Variants in OR7A5 observed in about 807,000 individuals in gnomAD.
OR7A5 encodes olfactory receptor 7A5.
For missense variants in OR7A5, 319 were observed against 377.9 expected (o/e 0.84, Z 1.29); for synonymous variants, 140 against 146.7 (o/e 0.95, Z 0.33).
At chr19:14,830,055 G>T (rs1212700242) in intron 1 of OR7A5, among the ~76,000 whole-genome samples, 2 of 152,126 alleles carry the variant, frequency 1.3e-5, no homozygotes, top group Non-Finnish European at 2.9e-5. Flanking sequence ...TGGAGACCAG[G>T]TCTGCCTATG....
At chr19:14,828,983 G>C (rs1310085123) in intron 1 of OR7A5, among the ~76,000 whole-genome samples, 1 of 152,022 alleles carries the variant, frequency 6.6e-6, no homozygotes, top group Admixed American at 6.6e-5. Flanking sequence ...GATGGGAACA[G>C]GCGCTTGGAA....
chr19:14,827,655 T>C lies in OR7A5; in HGVS notation c.587A>G (p.His196Arg). 1 of 1,614,126 alleles carries C rather than the reference T, an allele frequency of 6.2e-7. No homozygotes were observed. The highest frequency in any genetic ancestry group is 8.5e-7 in the Non-Finnish European group (1 of 1,180,012). ...QLACSDSFLN[H>R]MVIYFTVALL... is the part of the protein sequence containing the mutation. ...CGCAACTGTAAAATATATCACCATG[T>C]GATTAAGAAAGCTATCAGAACAAGC... The change falls in exon 2 of 2, where the codon CAC becomes CGC. Residue 196 changes from histidine (H) to arginine (R), a missense_variant. Transcript: ENST00000322301.
intron 1 of OR7A5, among the ~76,000 whole-genome samples, chr19:14,829,570 G>A (rs1403531549): frequency 2.6e-5 from 4 of 152,152 alleles, no homozygotes; most frequent in East Asian, 1.9e-4. Flanking sequence ...TCAGTAAGAC[G>A]GAGAGTGATG....
chr19:14,828,082 G>T lies in OR7A5; in HGVS notation c.160C>A (p.His54Asn). Residue 54 changes from histidine to asparagine, a missense_variant, in exon 2 of 2, where the codon CAC becomes AAC. Coordinates refer to ENST00000322301, the MANE Select transcript of OR7A5 (RefSeq NM_017506.2). The part of the protein sequence containing the change: ...LIILATISDS[H>N]LHTPMYFFLS... Reference sequence around the variant, plus strand: ...AAGAAGTACATGGGGGTGTGGAGGTGGGAGTCTGAGATTGTGGCCAGGATG... The same window carrying T: ...AAGAAGTACATGGGGGTGTGGAGGTTGGAGTCTGAGATTGTGGCCAGGATG... 1 of 1,614,160 alleles carries T rather than the reference G, an allele frequency of 6.2e-7. No homozygotes were observed. Among genetic ancestry groups the T allele is most frequent in the Non-Finnish European group, 8.5e-7 (1 of 1,180,036 alleles).
chr19:14,830,938 A>C (rs546977143), intron 1 of OR7A5, among the ~76,000 whole-genome samples: 36 of 152,320 alleles, frequency 2.4e-4, no homozygotes, highest in Middle Eastern at 3.4e-3. Context: ...TGGCATTATC[A>C]GTACCGCACA....
At chr19:14,833,969 A>T (rs999228799) in intron 1 of OR7A5, among the ~76,000 whole-genome samples, 13 of 152,328 alleles carry the variant, frequency 8.5e-5, no homozygotes, top group African/African-American at 2.9e-4. Flanking sequence ...AATATTAAAA[A>T]CACATACAGG....
intron 1 of OR7A5, among the ~76,000 whole-genome samples, chr19:14,834,087 C>G (rs1364201494): frequency 1.3e-5 from 2 of 152,138 alleles, no homozygotes; most frequent in Non-Finnish European, 2.9e-5. Context: ...TGGTGAAACT[C>G]CATCTCTACA....
intron 1 of OR7A5, among the ~76,000 whole-genome samples, chr19:14,830,805 C>T (rs2044824313): frequency 6.6e-6 from 1 of 152,160 alleles, no homozygotes; most frequent in African/African-American, 2.4e-5. Flanking sequence ...AGCTCTAAGT[C>T]TGCCTTTCTT....
chr19:14,834,038 T>C (rs1763257879), intron 1 of OR7A5, among the ~76,000 whole-genome samples: 1 of 125,286 alleles, frequency 8.0e-6, no homozygotes, highest in African/African-American at 2.9e-5. Flanking sequence ...GGCAAGTAAA[T>C]TGCTTGAGCC....
rs1344550331 is a variant in OR7A5, at chr19:14,828,183, TC to T, written c.58del (p.Glu20AsnfsTer63). On this transcript the variant is annotated frameshift_variant, in exon 2 of 2. Coordinates refer to ENST00000322301, the MANE Select transcript of OR7A5 (RefSeq NM_017506.2). LOFTEE classifies it low-confidence loss of function (END_TRUNC). The stretch of plus-strand genomic sequence containing the variant: ...AAAGAGGAAGGGTTGCAGTCCAGGT[TC>T]TTGTGAAAATCCCAGAAGAAGAAAT... The part of the protein sequence containing the change: ...SEFLLLGFSQ[E>X]PGLQPFLFGL... The T allele has an allele frequency of 6.2e-7, 1 of 1,613,634 alleles. No individual in the cohort carries two copies. Among genetic ancestry groups the T allele is most frequent in the African/African-American group, 1.3e-5 (1 of 75,004 alleles).
intron 1 of OR7A5, among the ~76,000 whole-genome samples, chr19:14,830,249 C>A (rs1033292016): frequency 2.0e-5 from 3 of 152,186 alleles, no homozygotes; most frequent in African/African-American, 7.2e-5. Flanking sequence ...TCTGTATACA[C>A]ATGTAAACTT....
At chr19:14,829,845 G>C (rs1442976709) in intron 1 of OR7A5, among the ~76,000 whole-genome samples, 1 of 152,114 alleles carries the variant, frequency 6.6e-6, no homozygotes, top group African/African-American at 2.4e-5. Context: ...CCAAAGACAT[G>C]CAGCCACACA....
Position 14,827,318 on chromosome 19 carries a change from TC to T in OR7A5, c.923del (p.Gly308GlufsTer3). 1 of 1,568,210 alleles carries T rather than the reference TC, an allele frequency of 6.4e-7. No individual in the cohort carries two copies. The highest frequency in any genetic ancestry group is 8.6e-7 in the Non-Finnish European group (1 of 1,161,108). Reference sequence around the variant, plus strand: ...TCTTGAAAAATTGCCCTTTCATTGTTCCCCACAACAAATGTATTCCCAGAGC... The same window carrying T: ...TCTTGAAAAATTGCCCTTTCATTGTTCCCACAACAAATGTATTCCCAGAGC... ...KRALGIHLLW[G>X]TMKGQFFKKC... On this transcript the variant is annotated frameshift_variant, in exon 2 of 2. Transcript: ENST00000322301. LOFTEE classifies it low-confidence loss of function (END_TRUNC).
At position 14,827,173 on chromosome 19, in the gene OR7A5, A is replaced by C; in HGVS notation, c.*109T>G. The stretch of plus-strand genomic sequence containing the variant: ...TACAAGACCAGTTGAAATCACAACA[A>C]ATTGAAACTCCCAGAAATATAATAA... On this transcript the variant is annotated 3_prime_UTR_variant, in exon 2 of 2. Transcript: ENST00000322301. 1 of 1,177,370 alleles carries C rather than the reference A, an allele frequency of 8.5e-7. No homozygotes were observed. Among genetic ancestry groups the C allele is most frequent in the Non-Finnish European group, 1.1e-6 (1 of 885,798 alleles). The allele number at this position is 1,177,370 out of a possible 1,614,324, so 72.9% of individuals were successfully genotyped here.
Position 14,826,702 on chromosome 19 carries a change from A to C in OR7A5, c.*580T>G, listed in dbSNP as rs1158097078. On this transcript the variant is annotated 3_prime_UTR_variant, in exon 2 of 2. Transcript: ENST00000322301. ...TCAGTGGGCATTGCACTCGGAACAT[A>C]TTTTTGATAAACAATTTTTGCCTTA... 1 of 152,216 alleles carries C rather than the reference A, an allele frequency of 6.6e-6. No homozygotes were observed. Among genetic ancestry groups the C allele is most frequent in the African/African-American group, 2.4e-5 (1 of 41,446 alleles). 9.4% of individuals were successfully genotyped at this position (152,216 alleles called of 1,614,324 possible).
chr19:14,828,297 G>T, intron 1 of OR7A5, 43 bp from the exon 2 acceptor site: 1 of 1,533,424 alleles, frequency 6.5e-7, no homozygotes, highest in Non-Finnish European at 8.8e-7. Context: ...AGACAGGCAT[G>T]CATTGCTAAC....
chr19:14,828,349 T>G (rs1777301941), intron 1 of OR7A5, 95 bp from the exon 2 acceptor site: 1 of 1,250,476 alleles, frequency 8.0e-7, no homozygotes, highest in African/African-American at 1.5e-5. Flanking sequence ...GCCAATAAAT[T>G]ATCTTACATT....
chr19:14,827,857 G>T lies in OR7A5; in HGVS notation c.385C>A (p.Pro129Thr), dbSNP rs538791344. 13 of 1,614,148 alleles carry T rather than the reference G, an allele frequency of 8.1e-6. No homozygotes were observed. The East Asian group carries it at 1.6e-4, about 19-fold the overall frequency. Residue 129 changes from proline to threonine, a missense_variant, in exon 2 of 2, where the codon CCC becomes ACC. Transcript: ENST00000322301. ...TTCATAATGACCATGTAGTGCAGGG[G>T]GTGACAGATGGCCACAAACCGGTCA... Reference protein sequence around the residue: ...AYDRFVAICHPLHYMVIMNPH... With the variant: ...AYDRFVAICHTLHYMVIMNPH...
At chr19:14,830,857 A>C (rs546351737) in intron 1 of OR7A5, among the ~76,000 whole-genome samples, 1 of 152,244 alleles carries the variant, frequency 6.6e-6, no homozygotes, top group African/African-American at 2.4e-5. Context: ...AATGACTCAC[A>C]ATCTTCCTGC....
Sources: gnomAD v4.1 joint callset for allele counts (sites outside exome capture counted in the v4.1 genomes callset) on GRCh38, gnomAD v4.1.1 for gene constraint, MANE v1.5 for transcripts, NCBI Gene and HGNC (gene_info 2026-07-23, HGNC 2026-07-21) for gene names.